Variants in KHDRBS2 observed in about 807,000 individuals in gnomAD.
KHDRBS2 encodes KH RNA binding domain containing, signal transduction associated 2.
KHDRBS2 carries 26 observed loss-of-function variants against 44.3 expected under a neutral mutation model. That is an observed-to-expected ratio of 0.59 (90% CI 0.43 to 0.81). KHDRBS2 has a LOEUF of 0.81. Ranked by LOEUF, KHDRBS2 falls within the 40% of genes least tolerant of loss-of-function variation. The pLI is 0.00. For missense variants in KHDRBS2, 476 were observed against 433.1 expected (o/e 1.10, Z -0.88); for synonymous variants, 194 against 151.1 (o/e 1.28, Z -2.08).
chr6:61,878,059 T>A (rs1402553441), intron 6 of KHDRBS2, among the ~76,000 whole-genome samples: 1 of 151,954 alleles, frequency 6.6e-6, no homozygotes, highest in Non-Finnish European at 1.5e-5. Flanking sequence ...TTTCCAGAGC[T>A]TGGTCCAATT....
intron 1 of KHDRBS2, among the ~76,000 whole-genome samples, chr6:62,200,983 G>A (rs1313071925): frequency 2.0e-5 from 3 of 152,088 alleles, no homozygotes; most frequent in Non-Finnish European, 4.4e-5. Flanking sequence ...ACTATCGCAA[G>A]GACAAAAAAC....
chr6:61,705,408 TA>T (rs1195839667), intron 7 of KHDRBS2, among the ~76,000 whole-genome samples: 1 of 151,836 alleles, frequency 6.6e-6, no homozygotes, highest in Non-Finnish European at 1.5e-5. Context: ...TGGCACTTGG[TA>T]CACACCAAAC....
intron 3 of KHDRBS2, among the ~76,000 whole-genome samples, chr6:61,981,722 T>C (rs962376898): frequency 1.3e-5 from 2 of 152,138 alleles, no homozygotes; most frequent in African/African-American, 2.4e-5. Flanking sequence ...CCCTGGAAAA[T>C]CTCTAAGGAT....
intron 1 of KHDRBS2, among the ~76,000 whole-genome samples, chr6:62,198,822 G>A (rs1250934733): frequency 3.3e-5 from 5 of 152,144 alleles, no homozygotes; most frequent in African/African-American, 7.2e-5. Context: ...GATGAACATT[G>A]ATGCAAAAAT....
At chr6:61,728,867 C>T (rs1403444184) in intron 7 of KHDRBS2, among the ~76,000 whole-genome samples, 1 of 151,956 alleles carries the variant, frequency 6.6e-6, no homozygotes, top group Admixed American at 6.6e-5. Flanking sequence ...TTCAGGGATA[C>T]AAGTGAAGGT....
chr6:61,602,365 A>G, the KHDRBS2 span, among the ~76,000 whole-genome samples: 1 of 152,136 alleles, frequency 6.6e-6, no homozygotes, highest in African/African-American at 2.4e-5. Flanking sequence ...CTACCCCAGG[A>G]TCTTGCTACG....
chr6:61,731,928 G>T (rs990787602), intron 7 of KHDRBS2, among the ~76,000 whole-genome samples: 1 of 152,030 alleles, frequency 6.6e-6, no homozygotes, highest in African/African-American at 2.4e-5. Flanking sequence ...TCTAGAGAAG[G>T]TAAAACTATG....
At position 61,680,170 on chromosome 6, in the gene KHDRBS2, T is replaced by C. The variant is rs1266934837; in HGVS notation, c.*793A>G. 3.9e-5 allele frequency: 6 copies of C among 152,330 alleles called. No homozygotes were observed. In the Admixed American group the frequency reaches 3.9e-4, roughly 10 times the overall value. 9.4% of individuals were successfully genotyped at this position (152,330 alleles called of 1,614,324 possible). A position where few individuals can be genotyped will look rare whatever the true frequency, so the allele number is the denominator to read the frequency against. ...TTTGTAATTTTTAAATAGAAAACAT[T>C]TTAGGCATCTCTTGAAGAAGAAATA... On this transcript the variant is annotated 3_prime_UTR_variant, in exon 9 of 9. Transcript: ENST00000281156.
chr6:61,562,667 A>G, the KHDRBS2 span, among the ~76,000 whole-genome samples: 4 of 152,158 alleles, frequency 2.6e-5, no homozygotes, highest in African/African-American at 9.7e-5. Context: ...CAAGGAAGAT[A>G]GAACCCCCAT....
At chr6:61,566,549 C>T in the KHDRBS2 span, among the ~76,000 whole-genome samples, 3 of 152,088 alleles carry the variant, frequency 2.0e-5, no homozygotes, top group Non-Finnish European at 2.9e-5. Context: ...AATCACCACA[C>T]ATAATGAATA....
At chr6:61,869,937 G>T (rs1248490885) in intron 6 of KHDRBS2, among the ~76,000 whole-genome samples, 1 of 150,544 alleles carries the variant, frequency 6.6e-6, no homozygotes, top group South Asian at 2.1e-4. Context: ...CAGCCATTCG[G>T]GTAGACACCG....
chr6:61,561,209 C>T, the KHDRBS2 span, among the ~76,000 whole-genome samples: 162 of 152,274 alleles, frequency 1.1e-3, 1 homozygote, highest in African/African-American at 3.6e-3. Context: ...CTCTCCTTCT[C>T]TGTTTCTGTC....
chr6:61,702,556 G>T (rs1768856063), intron 7 of KHDRBS2, among the ~76,000 whole-genome samples: 1 of 151,894 alleles, frequency 6.6e-6, no homozygotes, highest in African/African-American at 2.4e-5. Context: ...TTTGTCGAAT[G>T]AATGAATAAA....
intron 1 of KHDRBS2, among the ~76,000 whole-genome samples, chr6:62,228,392 G>T (rs184291010): frequency 1.4e-4 from 21 of 151,992 alleles, no homozygotes; most frequent in African/African-American, 5.1e-4. Flanking sequence ...TTTTTATTGT[G>T]TCTATTTGAT....
At chr6:62,143,992 C>T (rs1045595308) in intron 2 of KHDRBS2, among the ~76,000 whole-genome samples, 2 of 151,748 alleles carry the variant, frequency 1.3e-5, no homozygotes, top group Admixed American at 6.6e-5. Context: ...AATATAAGCC[C>T]ACTCTCTATC....
chr6:61,634,297 G>C, the KHDRBS2 span, among the ~76,000 whole-genome samples: 3 of 151,688 alleles, frequency 2.0e-5, no homozygotes, highest in Non-Finnish European at 4.4e-5. Flanking sequence ...ATGGCTTTTG[G>C]GACCCTTGGA....
Position 61,948,239 on chromosome 6 carries a change from A to C in KHDRBS2, c.483+29827T>G, listed in dbSNP as rs1402538942. Among the ~76,000 whole-genome samples, 15 of 152,250 alleles carry C rather than the reference A, an allele frequency of 9.9e-5. No individual in the cohort carries two copies. The East Asian group carries it at 2.9e-3, about 29-fold the overall frequency. On this transcript the variant is annotated intron_variant, in intron 4 of 8. Coordinates refer to ENST00000281156, the MANE Select transcript of KHDRBS2 (RefSeq NM_152688.4). ...GAACATTTGTACAGATAAATCATGAATGTAGCTAAGTAAGTGGCTTTTTAG... is the reference window on the plus strand; with the variant it reads ...GAACATTTGTACAGATAAATCATGACTGTAGCTAAGTAAGTGGCTTTTTAG...
intron 7 of KHDRBS2, among the ~76,000 whole-genome samples, chr6:61,719,646 CT>C (rs1772042818): frequency 6.6e-6 from 1 of 152,082 alleles, no homozygotes; most frequent in African/African-American, 2.4e-5. Flanking sequence ...TATTTCTTTA[CT>C]TTTTCTCCTC....
chr6:62,107,220 A>T (rs1344457801), intron 2 of KHDRBS2, among the ~76,000 whole-genome samples: 1 of 152,152 alleles, frequency 6.6e-6, no homozygotes, highest in African/African-American at 2.4e-5. Flanking sequence ...AAATCTCCTT[A>T]AGCTGATAAG....
Sources: allele counts gnomAD v4.1 joint callset (sites outside exome capture counted in the v4.1 genomes callset), GRCh38; gene constraint gnomAD v4.1.1; transcripts MANE v1.5; gene names NCBI Gene and HGNC (gene_info 2026-07-23, HGNC 2026-07-21).